AP1B1: variants seen among roughly 807,000 people sequenced by gnomAD.
AP1B1 encodes AP-1 complex subunit beta-1.
Under a neutral mutation model 104.3 loss-of-function variants are expected in AP1B1, and 36 were observed. The observed-to-expected ratio is 0.35, with a 90% CI of 0.26 to 0.46. The LOEUF is 0.46. Among genes scored for constraint, AP1B1 ranks in the 20% least tolerant of loss-of-function variants. The pLI, the probability that AP1B1 is intolerant of heterozygous loss-of-function variation, is 1.00. For synonymous variants in AP1B1, 504 were observed against 517.5 expected, an observed-to-expected ratio of 0.97 and a Z score of 0.35; for missense variants, 901 against 1,247.9, an observed-to-expected ratio of 0.72 and a Z score of 4.19.
chr22:29,337,766 G>A (rs930498908), intron 16 of AP1B1, among the ~76,000 whole-genome samples: 11 of 152,082 alleles, frequency 7.2e-5, no homozygotes, highest in Admixed American at 1.3e-4. Flanking sequence ...TCCCTCCCAG[G>A]GAGCTCTCAA....
In AP1B1 at chr22:29,329,065, C is replaced by T. The variant is rs538260704; in HGVS notation, c.2776-170G>A. 21 of 1,422,600 alleles carry T rather than the reference C, an allele frequency of 1.5e-5. No homozygotes were observed. The South Asian group carries it at 1.6e-4, about 11-fold the overall frequency. The allele number at this position is 1,422,600 out of a possible 1,614,324, so 88.1% of individuals were successfully genotyped here. On this transcript the variant is annotated intron_variant, in intron 22 of 22. Transcript: ENST00000357586. ...GAGGTAAAGCGGAGGGGGCGGCTGT[C>T]GCAGCCAGCCGGGTGTGGACCAAAT...
chr22:29,367,613 G>T (rs1161202830), intron 1 of AP1B1, among the ~76,000 whole-genome samples: 1 of 151,434 alleles, frequency 6.6e-6, no homozygotes, highest in Non-Finnish European at 1.5e-5. Flanking sequence ...TCAAATTTTT[G>T]AATGTGCCTC....
At chr22:29,339,689 T>C in intron 15 of AP1B1, 65 bp downstream of exon 15, 1 of 1,577,606 alleles carries the variant, frequency 6.3e-7, no homozygotes, top group Non-Finnish European at 8.7e-7. Flanking sequence ...CCCCTTGGGA[T>C]GCTGGGCCAG....
intron 2 of AP1B1, among the ~76,000 whole-genome samples, chr22:29,365,484 T>A (rs2062120478): frequency 6.6e-6 from 1 of 151,544 alleles, no homozygotes; most frequent in Non-Finnish European, 1.5e-5. Flanking sequence ...AGAGACTCTG[T>A]CTCAAAAAAA....
intron 16 of AP1B1, among the ~76,000 whole-genome samples, chr22:29,336,880 C>A (rs920323539): frequency 1.3e-5 from 2 of 151,682 alleles, no homozygotes; most frequent in African/African-American, 4.8e-5. Context: ...GCTTATTTTT[C>A]CTGGCAGCTC....
At chr22:29,348,223 C>A (rs1054993220) in intron 11 of AP1B1, among the ~76,000 whole-genome samples, 3 of 152,234 alleles carry the variant, frequency 2.0e-5, no homozygotes, top group African/African-American at 7.2e-5. Flanking sequence ...CAAATACGTG[C>A]AGAACCGTGA....
rs1269885080 is a variant in AP1B1 at position 29,356,407 on chromosome 22, C to G, written c.716+19G>C. On this transcript the variant is annotated intron_variant, in intron 6 of 22. Coordinates refer to ENST00000357586, the MANE Select transcript of AP1B1 (RefSeq NM_001127.4). ...AGGGTCCTCAAGCTGGGCTGGCAAGCAACGGGCAGCCCGCTCACCTCTGGG... is the reference window on the plus strand; with the variant it reads ...AGGGTCCTCAAGCTGGGCTGGCAAGGAACGGGCAGCCCGCTCACCTCTGGG... 3.1e-6 allele frequency: 5 copies of G among 1,596,440 alleles called. No homozygotes were observed. The highest frequency in any genetic ancestry group is 4.3e-6 in the Non-Finnish European group (5 of 1,167,828).
chr22:29,379,596 G>A (rs2062405029), intron 1 of AP1B1, among the ~76,000 whole-genome samples: 1 of 152,186 alleles, frequency 6.6e-6, no homozygotes, highest in Non-Finnish European at 1.5e-5. Context: ...TTCTCACTGA[G>A]CTCTTACAGA....
intron 11 of AP1B1, among the ~76,000 whole-genome samples, chr22:29,347,084 T>C (rs2061804823): frequency 1.3e-5 from 2 of 152,152 alleles, no homozygotes; most frequent in African/African-American, 4.8e-5. Flanking sequence ...TATTGTGCCA[T>C]AAGGACATAG....
chr22:29,350,253 C>T, intron 9 of AP1B1, 103 bp from the exon 10 acceptor site: 2 of 797,990 alleles, frequency 2.5e-6, no homozygotes, highest in South Asian at 3.0e-5. Context: ...ACTTCTGGCA[C>T]ACCTTCCTCA....
chr22:29,369,107 C>G (rs1279033253), intron 1 of AP1B1, among the ~76,000 whole-genome samples: 1 of 152,046 alleles, frequency 6.6e-6, no homozygotes, highest in African/African-American at 2.4e-5. Context: ...AAACAAATAA[C>G]CCACCAATAT....
intron 5 of AP1B1, among the ~76,000 whole-genome samples, chr22:29,357,613 G>A (rs1245462840): frequency 5.9e-5 from 9 of 151,392 alleles, no homozygotes; most frequent in South Asian, 2.1e-4. Flanking sequence ...TGATCCACCC[G>A]CCTCAGCCTC....
At chr22:29,360,231 C>T (rs577804979) in intron 3 of AP1B1, among the ~76,000 whole-genome samples, 3 of 152,280 alleles carry the variant, frequency 2.0e-5, no homozygotes, top group South Asian at 4.1e-4. Flanking sequence ...TCAAACCCAC[C>T]ACTGCCTCTT....
intron 21 of AP1B1, 54 bp from the exon 22 acceptor site, chr22:29,329,774 GA>G (rs1256813589): frequency 1.9e-5 from 31 of 1,611,248 alleles, no homozygotes; most frequent in Non-Finnish European, 2.5e-5. Flanking sequence ...AACACAGGGA[GA>G]CGGAAGTTAC....
intron 15 of AP1B1, 72 bp from the exon 16 acceptor site, chr22:29,339,205 G>T: frequency 6.3e-7 from 1 of 1,575,648 alleles, no homozygotes; most frequent in Non-Finnish European, 8.7e-7. Flanking sequence ...AATGAGTAGA[G>T]CCACCTGGCT....
At chr22:29,383,430 G>A (rs2062468118) in intron 1 of AP1B1, among the ~76,000 whole-genome samples, 1 of 152,092 alleles carries the variant, frequency 6.6e-6, no homozygotes, top group Admixed American at 6.6e-5. Flanking sequence ...TGAGACCTGG[G>A]CCGGGTGCGG....
At chr22:29,387,210 G>A (rs947309200) in intron 1 of AP1B1, among the ~76,000 whole-genome samples, 3 of 151,648 alleles carry the variant, frequency 2.0e-5, no homozygotes. Context: ...TTATCCTAAA[G>A]AAAGTAAGTC....
intron 3 of AP1B1, among the ~76,000 whole-genome samples, chr22:29,361,019 C>A (rs1322250677): frequency 1.3e-5 from 2 of 152,210 alleles, no homozygotes; most frequent in Non-Finnish European, 2.9e-5. Context: ...GGAGGAAAAA[C>A]TGCTGATGAG....
rs764096234 is a variant in AP1B1 at position 29,339,122 on chromosome 22, G to C, written c.2031C>G (p.Thr677=). 15 of 1,614,176 alleles carry C rather than the reference G, an allele frequency of 9.3e-6. No individual in the cohort carries two copies. Among genetic ancestry groups the C allele is most frequent in the Non-Finnish European group, 1.2e-5 (14 of 1,180,048 alleles). The change falls in exon 16 of 23, where the codon ACC becomes ACG. Residue 677 remains threonine (T), a synonymous_variant. Transcript: ENST00000357586. The part of the protein sequence containing the change: ...MGDEPEGIGG[T]NFVAPPTAAV... ...CTGCTGTTGGAGGTGCCACGAAGTTGGTGCCCCCAATCTGGAAAGGGAGGG... is the reference window on the plus strand; with the variant it reads ...CTGCTGTTGGAGGTGCCACGAAGTTCGTGCCCCCAATCTGGAAAGGGAGGG...
Sources: allele counts gnomAD v4.1 joint callset (sites outside exome capture counted in the v4.1 genomes callset), GRCh38; gene constraint gnomAD v4.1.1; transcripts MANE v1.5; gene names NCBI Gene and HGNC (gene_info 2026-07-23, HGNC 2026-07-21).